DLC1: variants seen among roughly 807,000 people sequenced by gnomAD.
The protein encoded by DLC1 is DLC1 Rho GTPase activating protein, also known as rho GTPase-activating protein 7.
DLC1 carries 54 observed loss-of-function variants against 140.3 expected under a neutral mutation model. That is an observed-to-expected ratio of 0.38 (90% confidence interval 0.31 to 0.48). The LOEUF (loss-of-function observed/expected upper bound fraction) is 0.48. Ranked by LOEUF, DLC1 falls within the 20% of genes least tolerant of loss-of-function variation. DLC1 has a pLI of 0.96. For missense variants in DLC1, 2,536 were observed against 1,907.0 expected (o/e 1.33, Z -6.14); for synonymous variants, 986 against 728.1 (o/e 1.35, Z -5.70).
chr8:13,385,976 T>C (rs1443643689), intron 4 of DLC1, among the ~76,000 whole-genome samples: 5 of 152,224 alleles, frequency 3.3e-5, no homozygotes, highest in Admixed American at 2.6e-4. Context: ...CCAGTTATTA[T>C]TACTCCTCAG....
At chr8:13,399,060 A>G (rs958225652) in intron 3 of DLC1, among the ~76,000 whole-genome samples, 7 of 152,188 alleles carry the variant, frequency 4.6e-5, no homozygotes, top group African/African-American at 1.2e-4. Context: ...GGGAGGCCCA[A>G]TCAAAGGTGG....
At chr8:13,497,378 CTATT>C (rs1801564061) in intron 2 of DLC1, among the ~76,000 whole-genome samples, 1 of 152,144 alleles carries the variant, frequency 6.6e-6, no homozygotes, top group Admixed American at 6.5e-5. Flanking sequence ...TTCATTTAAT[CTATT>C]TATTAGAAGG....
intron 5 of DLC1, among the ~76,000 whole-genome samples, chr8:13,269,278 T>C (rs1350020893): frequency 6.6e-6 from 1 of 152,182 alleles, no homozygotes; most frequent in African/African-American, 2.4e-5. Flanking sequence ...TGAATAACTG[T>C]TGTTTTCCAT....
chr8:13,165,548 T>C (rs1444278631), intron 5 of DLC1, among the ~76,000 whole-genome samples: 2 of 152,208 alleles, frequency 1.3e-5, no homozygotes, highest in East Asian at 1.9e-4. Context: ...ACAATGCTGT[T>C]AGTGCTGAAG....
At chr8:13,223,724 GTTAGGAATACATATA>G (rs1437959903) in intron 5 of DLC1, among the ~76,000 whole-genome samples, 2 of 152,136 alleles carry the variant, frequency 1.3e-5, no homozygotes, top group Admixed American at 1.3e-4. Flanking sequence ...TTATTGGTCT[GTTAGGAATACATATA>G]TATGAAAGTA....
At chr8:13,368,479 A>G (rs938919123) in intron 4 of DLC1, among the ~76,000 whole-genome samples, 1 of 152,120 alleles carries the variant, frequency 6.6e-6, no homozygotes, top group Non-Finnish European at 1.5e-5. Flanking sequence ...TGAGGTTGCT[A>G]CAGTGAGATA....
At chr8:13,094,366 T>A (rs1818331894) in intron 12 of DLC1, among the ~76,000 whole-genome samples, 1 of 152,088 alleles carries the variant, frequency 6.6e-6, no homozygotes, top group Non-Finnish European at 1.5e-5. Flanking sequence ...GACTCTCTTG[T>A]CAAAAGAACG....
chr8:13,271,864 AC>A (rs1830944635), intron 5 of DLC1, among the ~76,000 whole-genome samples: 1 of 152,130 alleles, frequency 6.6e-6, no homozygotes. Context: ...TTTTGGAGAG[AC>A]AAGGTCTTGC....
At chr8:13,218,974 G>T (rs1264328035) in intron 5 of DLC1, among the ~76,000 whole-genome samples, 1 of 59,808 alleles carries the variant, frequency 1.7e-5, no homozygotes, top group Non-Finnish European at 3.0e-5. Flanking sequence ...AATTATATAC[G>T]TATATAACTA....
intron 2 of DLC1, among the ~76,000 whole-genome samples, chr8:13,411,718 CAAAAT>C (rs781182440): frequency 3.3e-5 from 5 of 152,020 alleles, no homozygotes; most frequent in Non-Finnish European, 5.9e-5. Flanking sequence ...AAATATGAAA[CAAAAT>C]AAAGAAAATG....
chr8:13,446,608 G>C (rs1296362543), intron 2 of DLC1, among the ~76,000 whole-genome samples: 4 of 152,060 alleles, frequency 2.6e-5, no homozygotes, highest in Non-Finnish European at 1.5e-5. Flanking sequence ...GGAACGGAGG[G>C]AAGGGGAGGA....
At chr8:13,517,753 A>G (rs539455708), upstream of DLC1, among the ~76,000 whole-genome samples, 3 of 152,364 alleles carry the variant, frequency 2.0e-5, no homozygotes, top group African/African-American at 4.8e-5. Context: ...ACTTGAAAAC[A>G]AAGTATCAGG....
At chr8:13,124,720 G>A (rs1395820270) in intron 5 of DLC1, among the ~76,000 whole-genome samples, 1 of 152,130 alleles carries the variant, frequency 6.6e-6, no homozygotes, top group Admixed American at 6.5e-5. Flanking sequence ...GCTTGCCAGT[G>A]GCTTTGTAAA....
At chr8:13,333,474 C>T (rs185204194) in intron 4 of DLC1, among the ~76,000 whole-genome samples, 1 of 152,218 alleles carries the variant, frequency 6.6e-6, no homozygotes, top group East Asian at 1.9e-4. Flanking sequence ...GCCTTGAACT[C>T]CTGCACTGAA....
intron 5 of DLC1, among the ~76,000 whole-genome samples, chr8:13,154,244 G>T (rs1201919042): frequency 6.6e-6 from 1 of 152,234 alleles, no homozygotes; most frequent in Non-Finnish European, 1.5e-5. Context: ...GGTCACCATG[G>T]AGCAGCGGGA....
intron 4 of DLC1, among the ~76,000 whole-genome samples, chr8:13,365,919 G>A (rs1234661091): frequency 1.3e-5 from 2 of 152,132 alleles, no homozygotes; most frequent in Middle Eastern, 3.2e-3. Flanking sequence ...CTCACAGCAG[G>A]CCTGTCTGGA....
Position 13,579,258 on chromosome 8 carries a change from A to ATATATATATATATG in DLC1, c.-126+25278_-126+25279insCATATATATATATA, listed in dbSNP as rs1375505487. 3.7e-5 allele frequency among the ~76,000 whole-genome samples: 4 copies of ATATATATATATATG among 109,146 alleles called. 1 individual carries two copies. In the Admixed American group the frequency reaches 4.1e-4, roughly 11 times the overall value. The allele number at this position is 109,146 out of a possible 152,430, so 71.6% of individuals were successfully genotyped here. A position where few individuals can be genotyped will look rare whatever the true frequency, so the allele number is the denominator to read the frequency against. On this transcript the variant is annotated intron_variant, in intron 1 of 1. Transcript: ENST00000631382. ...AGGAACAGGGAGCATATATATATAT[A>ATATATATATATATG]TATATATATATGCACATATCTACCT...
chr8:13,363,457 T>C (rs997291577), intron 4 of DLC1, among the ~76,000 whole-genome samples: 1 of 151,786 alleles, frequency 6.6e-6, no homozygotes, highest in Non-Finnish European at 1.5e-5. Flanking sequence ...GAAGCTCAGA[T>C]AACAAATTGG....
intron 4 of DLC1, among the ~76,000 whole-genome samples, chr8:13,361,339 C>A (rs1455767103): frequency 6.6e-6 from 1 of 151,944 alleles, no homozygotes; most frequent in Non-Finnish European, 1.5e-5. Flanking sequence ...ACTGTAGCCT[C>A]GAACTCCTGG....
Sources: allele counts gnomAD v4.1 joint callset (sites outside exome capture counted in the v4.1 genomes callset), GRCh38; gene constraint gnomAD v4.1.1; transcripts MANE v1.5; gene names NCBI Gene and HGNC (gene_info 2026-07-23, HGNC 2026-07-21).